Variants in ACYP1 observed in about 807,000 individuals in gnomAD.
ACYP1 encodes acylphosphatase-1.
In ACYP1, 8 loss-of-function variants were observed where a neutral mutation model predicts 10.4. The ratio of observed to expected loss-of-function variants is 0.77; its 90% CI spans 0.45 to 1.38. ACYP1 has a LOEUF of 1.38. Among genes scored for constraint, ACYP1 ranks in the 40% most tolerant of loss-of-function variants. The probability of loss-of-function intolerance (pLI) is 0.00; values close to 1 mark genes in which losing one functional copy is unlikely to be tolerated. For missense variants in ACYP1, 93 were observed against 117.3 expected (o/e 0.79, Z 0.96); for synonymous variants, 38 against 40.8 (o/e 0.93, Z 0.26).
In ACYP1 at chr14:75,055,682, C is replaced by G. The variant is rs144994740; in HGVS notation, c.85-2023G>C. Among the ~76,000 whole-genome samples the G allele has an allele frequency of 7.7e-4, 116 of 151,558 alleles. No homozygotes were observed. In the East Asian group the frequency reaches 0.019, roughly 25 times the overall value. On this transcript the variant is annotated intron_variant, in intron 2 of 2. Transcript: ENST00000238618. Reference sequence around the variant, plus strand: ...CCTCTAGTTGCAATCTAAAAAGAAACTCTCTTCAAATCAATAATCAAGATT... The same window carrying G: ...CCTCTAGTTGCAATCTAAAAAGAAAGTCTCTTCAAATCAATAATCAAGATT...
At chr14:75,067,182 TACACACACACACACACACACAC>T (rs60274425), upstream of ACYP1, among the ~76,000 whole-genome samples, 3 of 147,252 alleles carry the variant, frequency 2.0e-5, no homozygotes, top group African/African-American at 2.5e-5. Context: ...TGTCTGGAAC[TACACACACACACACACACACAC>T]ACACACACAC....
upstream of ACYP1, among the ~76,000 whole-genome samples, chr14:75,068,641 T>C (rs763182984): frequency 8.0e-5 from 12 of 149,664 alleles, no homozygotes; most frequent in Non-Finnish European, 1.5e-4. Flanking sequence ...GGACCCTGAG[T>C]GGAGTGGGAA....
intron 2 of ACYP1, among the ~76,000 whole-genome samples, chr14:75,057,828 A>G (rs1407522588): frequency 6.7e-6 from 1 of 150,020 alleles, no homozygotes; most frequent in Non-Finnish European, 1.5e-5. Context: ...AGCCGGGCGC[A>G]GTGGTGGGTG....
intron 2 of ACYP1, among the ~76,000 whole-genome samples, chr14:75,056,296 C>A (rs1035076415): frequency 6.6e-5 from 10 of 151,394 alleles, no homozygotes; most frequent in African/African-American, 2.4e-4. Flanking sequence ...CTTCCCAACA[C>A]ATTTTATTAA....
rs1401640171 is a variant in ACYP1 at position 75,061,484 on chromosome 14, GA to G, written c.84+1985del. ...AAGAATAAGCTACAAGCCTAATTAA[GA>G]AAAAATAGATGTCATTTTATATGCA... On this transcript the variant is annotated intron_variant, in intron 2 of 2. Transcript: ENST00000238618. Among the ~76,000 whole-genome samples the G allele has an allele frequency of 2.0e-5, 3 of 152,226 alleles. No homozygotes were observed. In the East Asian group the frequency reaches 5.8e-4, roughly 29 times the overall value.
At chr14:75,058,991 A>G (rs1453480369) in intron 2 of ACYP1, among the ~76,000 whole-genome samples, 1 of 149,050 alleles carries the variant, frequency 6.7e-6, no homozygotes, top group African/African-American at 2.5e-5. Context: ...CGAGGTCAGG[A>G]GTTCGAGACC....
upstream of ACYP1, among the ~76,000 whole-genome samples, chr14:75,065,679 G>A (rs1893130717): frequency 6.6e-6 from 1 of 152,134 alleles, no homozygotes; most frequent in Non-Finnish European, 1.5e-5. Context: ...AAAATATATG[G>A]CATGATAATT....
At chr14:75,057,000 C>T (rs532162197) in intron 2 of ACYP1, among the ~76,000 whole-genome samples, 1 of 151,620 alleles carries the variant, frequency 6.6e-6, no homozygotes, top group South Asian at 2.1e-4. Context: ...CAATATTATA[C>T]TTGAGGGTCT....
intron 2 of ACYP1, chr14:75,061,702 A>C (rs1435979787): frequency 2.5e-6 from 4 of 1,591,814 alleles, no homozygotes; most frequent in Non-Finnish European, 3.4e-6. Context: ...CTGGTAGCAA[A>C]GCTAACTGGA....
chr14:75,068,346 GAAAAC>G (rs1250901286), upstream of ACYP1, among the ~76,000 whole-genome samples: 2 of 151,990 alleles, frequency 1.3e-5, no homozygotes, highest in East Asian at 1.9e-4. Flanking sequence ...CAACAAAACA[GAAAAC>G]AAAACAAAAC....
chr14:75,067,508 C>T (rs761837802), upstream of ACYP1, among the ~76,000 whole-genome samples: 8 of 151,964 alleles, frequency 5.3e-5, no homozygotes, highest in African/African-American at 1.5e-4. Context: ...TGGACAATGA[C>T]GGGGAGATGA....
intron 2 of ACYP1, among the ~76,000 whole-genome samples, chr14:75,059,507 TAA>T (rs781542225): frequency 1.2e-4 from 18 of 152,234 alleles, no homozygotes; most frequent in South Asian, 2.1e-4. Context: ...ATCAAGAAAT[TAA>T]AAAGACAACC....
intron 2 of ACYP1, among the ~76,000 whole-genome samples, chr14:75,062,187 C>T (rs175507): frequency 0.99 from 141,955 of 143,692 alleles, 70,139 homozygotes; most frequent in East Asian, 1. Flanking sequence ...TCCCAGCACA[C>T]TGGTGGGAGG....
At chr14:75,069,456 C>A (rs1224095763) in exon 1 of ACYP1, 2 of 554,872 alleles carry the variant, frequency 3.6e-6, no homozygotes, top group Non-Finnish European at 6.1e-6. Context: ...AAGGGCAGGG[C>A]TGGACCGAGC....
chr14:75,066,032 T>G (rs568889936), upstream of ACYP1, among the ~76,000 whole-genome samples: 1 of 152,296 alleles, frequency 6.6e-6, no homozygotes, highest in Non-Finnish European at 1.5e-5. Context: ...GGGGAAGCTT[T>G]AAAAATGTTA....
upstream of ACYP1, among the ~76,000 whole-genome samples, chr14:75,068,531 A>G (rs1047385752): frequency 1.3e-5 from 2 of 151,822 alleles, no homozygotes; most frequent in Admixed American, 6.6e-5. Context: ...AACAGAGGAG[A>G]GAGGGAGAGG....
chr14:75,063,188 C>T, intron 2 of ACYP1: 1 of 406,232 alleles, frequency 2.5e-6, no homozygotes, highest in Non-Finnish European at 4.6e-6. Context: ...CAACGGCGAG[C>T]ACTGGGGAAG....
At chr14:75,058,522 C>T (rs1473971076) in intron 2 of ACYP1, among the ~76,000 whole-genome samples, 2 of 151,158 alleles carry the variant, frequency 1.3e-5, no homozygotes, top group Non-Finnish European at 2.9e-5. Flanking sequence ...ACCCTCCCAC[C>T]CCCCAGGAAG....
chr14:75,063,413 C>T (rs1893077398), intron 2 of ACYP1, 57 bp downstream of exon 2: 1 of 1,429,088 alleles, frequency 7.0e-7, no homozygotes, highest in Admixed American at 1.7e-5. Flanking sequence ...AAGAACACGT[C>T]CCTTGTTCCT....
Sources: allele counts gnomAD v4.1 joint callset (sites outside exome capture counted in the v4.1 genomes callset), GRCh38; gene constraint gnomAD v4.1.1; transcripts MANE v1.5; gene names NCBI Gene and HGNC (gene_info 2026-07-23, HGNC 2026-07-21).